Variants in FRMPD1 observed in about 807,000 individuals in gnomAD.
FRMPD1 encodes FERM and PDZ domain-containing protein 1.
In FRMPD1, 76 loss-of-function variants were observed where a neutral mutation model predicts 117.8. The observed-to-expected ratio is 0.65, with a 90% CI of 0.54 to 0.78. The LOEUF is 0.78. FRMPD1 is among the 30% of genes least tolerant of loss of function. The pLI is 0.00. For synonymous variants in FRMPD1, 783 were observed against 770.4 expected, an observed-to-expected ratio of 1.02 and a Z score of -0.27; for missense variants, 1,786 against 1,964.5, an observed-to-expected ratio of 0.91 and a Z score of 1.72.
In FRMPD1 at chr9:37,729,726, A is replaced by G. The variant is rs1823779498; in HGVS notation, c.613-2A>G. ...ACTCCTGCACCTCTCTGTGCCTGCT[A>G]GGACATCATCCTCACCGTGAAGGAG... On this transcript the variant is annotated splice_acceptor_variant, in intron 7 of 15. Coordinates refer to ENST00000377765, the MANE Select transcript of FRMPD1 (RefSeq NM_014907.3). LOFTEE classifies it high-confidence loss of function. The G allele has an allele frequency of 1.2e-6, 2 of 1,613,796 alleles. No individual in the cohort carries two copies. The highest frequency in any genetic ancestry group is 1.1e-5 in the South Asian group (1 of 91,056).
intron 1 of FRMPD1, among the ~76,000 whole-genome samples, chr9:37,690,561 G>A (rs1336779866): frequency 6.6e-6 from 1 of 152,148 alleles, no homozygotes; most frequent in Non-Finnish European, 1.5e-5. Flanking sequence ...CTGGCTCATT[G>A]ATTAATACAT....
the FRMPD1 span, among the ~76,000 whole-genome samples, chr9:37,628,353 C>T: frequency 7.9e-5 from 12 of 151,996 alleles, no homozygotes; most frequent in Non-Finnish European, 1.3e-4. Context: ...AACACTTGGA[C>T]TCAGGACAAA....
chr9:37,724,270 G>C lies in FRMPD1; in HGVS notation c.562G>C (p.Glu188Gln), dbSNP rs1823526690. 6.2e-7 allele frequency: 1 copy of C among 1,605,786 alleles called. No homozygotes were observed. The highest frequency in any genetic ancestry group is 8.5e-7 in the Non-Finnish European group (1 of 1,172,410). ...GCCCAACGTGCTCAAGCTATACTTG[G>C]AGAATGGACAGACCAAAGCTTTCAA... is the stretch of plus-strand genomic sequence containing the variant. ...CMPNVLKLYL[E>Q]NGQTKAFKFE... The change falls in exon 7 of 16, where the codon GAG (glutamate) becomes CAG (glutamine). Residue 188 changes from glutamate (E) to glutamine (Q), a missense_variant. Transcript: ENST00000377765.
At chr9:37,700,317 A>T (rs1195836639) in intron 2 of FRMPD1, among the ~76,000 whole-genome samples, 1 of 152,154 alleles carries the variant, frequency 6.6e-6, no homozygotes, top group Non-Finnish European at 1.5e-5. Context: ...TGTTACAACC[A>T]CAAGTGCATT....
At chr9:37,705,919 C>T (rs1376497714) in intron 2 of FRMPD1, among the ~76,000 whole-genome samples, 1 of 151,136 alleles carries the variant, frequency 6.6e-6, no homozygotes, top group Non-Finnish European at 1.5e-5. Flanking sequence ...GAGATCATGC[C>T]ACTGCACTCT....
intron 5 of FRMPD1, among the ~76,000 whole-genome samples, chr9:37,716,314 T>G (rs1823116841): frequency 1.3e-5 from 2 of 152,222 alleles, no homozygotes; most frequent in Admixed American, 1.3e-4. Context: ...GCAATTGATT[T>G]TTTGGATGCT....
Position 37,719,773 on chromosome 9 carries a change from G to A in FRMPD1, c.516+597G>A, listed in dbSNP as rs377519482. ...TGGTTCTTTGGTTTTTCACTATGAC[G>A]TGCTGTCTAGTCCTTTTTGATATGG... On this transcript the variant is annotated intron_variant, in intron 6 of 15. Transcript: ENST00000377765. Among the ~76,000 whole-genome samples the A allele has an allele frequency of 3.9e-5, 6 of 152,192 alleles. No individual in the cohort carries two copies. The South Asian group carries it at 6.2e-4, about 16-fold the overall frequency.
intron 5 of FRMPD1, among the ~76,000 whole-genome samples, chr9:37,715,304 C>T (rs1823072422): frequency 6.6e-6 from 1 of 152,122 alleles, no homozygotes. Context: ...CCATGGGCCT[C>T]ACACGCCCAT....
chr9:37,637,256 A>T, the FRMPD1 span: 1 of 1,608,978 alleles, frequency 6.2e-7, no homozygotes, highest in Non-Finnish European at 8.5e-7. Context: ...GTCGCCAATC[A>T]AAAGCAGCTT....
At chr9:37,614,680 C>T in the FRMPD1 span, among the ~76,000 whole-genome samples, 1 of 152,204 alleles carries the variant, frequency 6.6e-6, no homozygotes, top group South Asian at 2.1e-4. Flanking sequence ...ATGTACATAA[C>T]CAGGATGCTA....
chr9:37,651,234 G>C (rs956149913), intron 1 of FRMPD1, 140 bp downstream of exon 1: 7 of 152,880 alleles, frequency 4.6e-5, no homozygotes, highest in Non-Finnish European at 1.0e-4. Flanking sequence ...TCCGGTCCTC[G>C]TGTCCCCAAG....
At chr9:37,707,745 G>A (rs1822766048) in intron 3 of FRMPD1, among the ~76,000 whole-genome samples, 172 bp downstream of exon 3, 1 of 152,208 alleles carries the variant, frequency 6.6e-6, no homozygotes, top group South Asian at 2.1e-4. Flanking sequence ...ATGCTGGGAG[G>A]GAGGAAGCCT....
the FRMPD1 span, chr9:37,637,330 G>C: frequency 1.0e-6 from 1 of 984,554 alleles, no homozygotes; most frequent in Non-Finnish European, 1.6e-6. Context: ...CTCCCAGTCG[G>C]CTCTGCTCCG....
rs1439888675 is a variant in FRMPD1, at chr9:37,697,131, GT to G, written c.101+4391del. On this transcript the variant is annotated intron_variant, in intron 2 of 15. Transcript: ENST00000377765. ...TTGTTACAATCATTAGTCAAATTCA[GT>G]TGGTAGCCCTTAGTTTGAATGAGTG... Among the ~76,000 whole-genome samples, 6 of 152,280 alleles carry G rather than the reference GT, an allele frequency of 3.9e-5. 1 individual carries two copies. Among genetic ancestry groups the G allele is most frequent in the African/African-American group, 1.4e-4 (6 of 41,546 alleles).
intron 7 of FRMPD1, among the ~76,000 whole-genome samples, chr9:37,726,778 C>G (rs1823635790): frequency 6.6e-6 from 1 of 152,062 alleles, no homozygotes; most frequent in Non-Finnish European, 1.5e-5. Context: ...TGGGGTGGGG[C>G]TAGGGTGAGG....
the FRMPD1 span, among the ~76,000 whole-genome samples, chr9:37,645,241 T>C: frequency 6.6e-6 from 1 of 152,192 alleles, no homozygotes; most frequent in Non-Finnish European, 1.5e-5. Context: ...GAGATAAAAA[T>C]TCATCTGACA....
chr9:37,645,889 A>C, the FRMPD1 span, among the ~76,000 whole-genome samples: 2 of 152,188 alleles, frequency 1.3e-5, no homozygotes, highest in Non-Finnish European at 2.9e-5. Context: ...CTTAATCTCA[A>C]AGAATCATTT....
the FRMPD1 span, among the ~76,000 whole-genome samples, chr9:37,608,851 T>C: frequency 2.0e-5 from 3 of 152,232 alleles, no homozygotes; most frequent in African/African-American, 7.2e-5. Flanking sequence ...ATTGTCTTGT[T>C]TAATCCTCCC....
At chr9:37,699,241 G>A (rs957107773) in intron 2 of FRMPD1, among the ~76,000 whole-genome samples, 5 of 151,104 alleles carry the variant, frequency 3.3e-5, no homozygotes, top group Non-Finnish European at 4.4e-5. Context: ...CACCTATTCT[G>A]TCATATGAAG....
Sources: gnomAD v4.1 joint callset for allele counts (sites outside exome capture counted in the v4.1 genomes callset) on GRCh38, gnomAD v4.1.1 for gene constraint, MANE v1.5 for transcripts, NCBI Gene and HGNC (gene_info 2026-07-23, HGNC 2026-07-21) for gene names.